AKAP17A: variants seen among roughly 807,000 people sequenced by gnomAD.
AKAP17A encodes A-kinase anchoring protein 17A.
In AKAP17A, 15 loss-of-function variants were observed where a neutral mutation model predicts 52.2. That is an observed-to-expected ratio of 0.29 (90% CI 0.19 to 0.44). The LOEUF is 0.44. Ranked by LOEUF, AKAP17A falls within the 20% of genes least tolerant of loss-of-function variation. The pLI is 1.00. For missense variants in AKAP17A, 1,060 were observed against 1,007.0 expected (o/e 1.05, Z -0.71); for synonymous variants, 514 against 424.7 (o/e 1.21, Z -2.58).
In AKAP17A at chrX:1,593,441, C is replaced by A. The variant is rs767867238; in HGVS notation, c.-19-3C>A. 19 of 1,600,620 alleles carry A rather than the reference C, an allele frequency of 1.2e-5. No individual in the cohort carries two copies. The highest frequency in any genetic ancestry group is 2.7e-5 in the African/African-American group (2 of 74,692). On this transcript the variant is annotated splice_polypyrimidine_tract_variant and splice_region_variant and intron_variant, in intron 1 of 4. Coordinates refer to ENST00000313871, the MANE Select transcript of AKAP17A (RefSeq NM_005088.3). ...TGCTGACTGTCTGCGTCTTATGTTT[C>A]AGGCCCAAGGTCCCGGAGGCTATGG... is the stretch of plus-strand genomic sequence containing the variant.
At chrX:1,600,320 C>G in intron 4 of AKAP17A, 1 of 795,722 alleles carries the variant, frequency 1.3e-6, no homozygotes, top group South Asian at 1.6e-5. Flanking sequence ...CGCTTGTGAC[C>G]TAACCGCAGG....
At position 1,595,544 on chromosome X, in the gene AKAP17A, G is replaced by A. The variant is rs374342146; in HGVS notation, c.911+12G>A. On this transcript the variant is annotated intron_variant, in intron 3 of 4. Coordinates refer to ENST00000313871, the MANE Select transcript of AKAP17A (RefSeq NM_005088.3). Reference sequence around the variant, plus strand: ...CGAGCGGAGGAAAGGTACCTTCTGCGGGAGCGGGCCCTCGGCGCTGGTGTC... The same window carrying A: ...CGAGCGGAGGAAAGGTACCTTCTGCAGGAGCGGGCCCTCGGCGCTGGTGTC... The A allele has an allele frequency of 1.6e-5, 26 of 1,613,406 alleles. No homozygotes were observed. Among genetic ancestry groups the A allele is most frequent in the African/African-American group, 2.7e-5 (2 of 74,928 alleles).
chrX:1,601,142 G>C lies in AKAP17A; in HGVS notation c.1636G>C (p.Val546Leu), dbSNP rs752093256. ...GSPEKRCPGG[V>L]LSCIPDNNQQ... ...TCCAGAGAAGAGGTGCCCGGGCGGCGTCCTCTCCTGCATTCCTGACAACAA... is the reference window on the plus strand; with the variant it reads ...TCCAGAGAAGAGGTGCCCGGGCGGCCTCCTCTCCTGCATTCCTGACAACAA... The change falls in exon 5 of 5, where the codon GTC (valine) becomes CTC (leucine). Residue 546 changes from valine (V) to leucine (L), a missense_variant. This residue lies in a region of AKAP17A where 793 missense variants were observed against 629.9 expected (regional missense o/e 1.26). Coordinates refer to ENST00000313871, the MANE Select transcript of AKAP17A (RefSeq NM_005088.3). 6.2e-7 allele frequency: 1 copy of C among 1,613,922 alleles called. No homozygotes were observed. Among genetic ancestry groups the C allele is most frequent in the South Asian group, 1.1e-5 (1 of 91,080 alleles).
chrX:1,592,687 G>C (rs540408839), intron 1 of AKAP17A, among the ~76,000 whole-genome samples: 33 of 152,314 alleles, frequency 2.2e-4, no homozygotes, highest in African/African-American at 7.0e-4. Flanking sequence ...GGTCACCTGA[G>C]ATGGTTGGGT....
rs145303834 is a variant in AKAP17A at position 1,593,876 on chromosome X, C to T, written c.414C>T (p.Asn138=). ...TCTTCCGCGACGCCAAGGACATGAA[C>T]GAGACCCTGCCGGGGGAGCGGCCGG... ...DSFFRDAKDM[N]ETLPGERPDT... is the part of the protein sequence containing the mutation. Residue 138 remains asparagine (N), a synonymous_variant, in exon 2 of 5, where the codon AAC becomes AAT. Transcript: ENST00000313871. 16 of 1,612,366 alleles carry T rather than the reference C, an allele frequency of 9.9e-6. No individual in the cohort carries two copies. Among genetic ancestry groups the T allele is most frequent in the African/African-American group, 4.0e-5 (3 of 74,916 alleles).
chrX:1,594,191 C>T lies in AKAP17A; in HGVS notation c.729C>T (p.Gly243=), dbSNP rs781772512. Residue 243 remains glycine (G), a synonymous_variant, in exon 2 of 5, where the codon GGC becomes GGT. Coordinates refer to ENST00000313871, the MANE Select transcript of AKAP17A (RefSeq NM_005088.3). ...ALRGMKLMYK[G]EDGKAVACNI... is the part of the protein sequence containing the mutation. ...GCGGGATGAAACTCATGTACAAGGG[C>T]GAGGACGGCAAGGCCGTGGCCTGCA... 1.9e-5 allele frequency: 30 copies of T among 1,567,718 alleles called. No homozygotes were observed. Among genetic ancestry groups the T allele is most frequent in the Admixed American group, 5.5e-5 (3 of 54,564 alleles).
At chrX:1,599,012 G>A (rs1401565595) in intron 3 of AKAP17A, among the ~76,000 whole-genome samples, 180 bp from the exon 4 acceptor site, 1 of 152,184 alleles carries the variant, frequency 6.6e-6, no homozygotes, top group Non-Finnish European at 1.5e-5. Context: ...TCCTCGCCCG[G>A]CTCACTCCTT....
chrX:1,599,041 T>C (rs28548708), intron 3 of AKAP17A, 151 bp from the exon 4 acceptor site: 1 of 1,248,944 alleles, frequency 8.0e-7, no homozygotes, highest in Admixed American at 2.7e-5. Context: ...CGGGCTGCTT[T>C]GAGTCAACCG....
chrX:1,598,721 C>A (rs1163015110), intron 3 of AKAP17A, among the ~76,000 whole-genome samples: 1 of 152,108 alleles, frequency 6.6e-6, no homozygotes, highest in African/African-American at 2.4e-5. Context: ...GAGAGAGGTC[C>A]CCCCGTGCCA....
chrX:1,601,418 A>G lies in AKAP17A; in HGVS notation c.1912A>G (p.Ser638Gly). The change falls in exon 5 of 5, where the codon AGC becomes GGC. Residue 638 changes from serine (S) to glycine (G), a missense_variant. Physicochemically the swap from Ser to Gly is moderately conservative, Grantham distance 56. Coordinates refer to ENST00000313871, the MANE Select transcript of AKAP17A (RefSeq NM_005088.3). The part of the protein sequence containing the change: ...AYKDDSPRRR[S>G]TSPDHTRSRR... ...CAAGGATGACAGCCCCCGCCGGCGC[A>G]GCACGAGCCCGGACCACACCCGGTC... The G allele has an allele frequency of 1.3e-6, 2 of 1,567,222 alleles. No homozygotes were observed. The highest frequency in any genetic ancestry group is 2.3e-5 in the East Asian group (1 of 44,312).
chrX:1,598,956 G>T (rs1323846923), intron 3 of AKAP17A, among the ~76,000 whole-genome samples: 1 of 152,156 alleles, frequency 6.6e-6, no homozygotes, highest in Admixed American at 6.6e-5. Flanking sequence ...GTGGTTTCAG[G>T]GTTGGGTCAC....
intron 3 of AKAP17A, among the ~76,000 whole-genome samples, 195 bp from the exon 4 acceptor site, chrX:1,598,997 G>A (rs776196990): frequency 2.2e-4 from 34 of 152,316 alleles, no homozygotes; most frequent in South Asian, 6.2e-4. Flanking sequence ...GGAAGGTCAC[G>A]GAGGTCCTCG....
rs201337134 is a variant in AKAP17A at position 1,594,156 on chromosome X, A to G, written c.694A>G (p.Ser232Gly). 7 of 1,606,118 alleles carry G rather than the reference A, an allele frequency of 4.4e-6. 1 individual carries two copies. The Admixed American group carries it at 8.5e-5, about 19-fold the overall frequency. The change falls in exon 2 of 5, where the codon AGC becomes GGC. Residue 232 changes from serine to glycine, a missense_variant. Around this residue, in one of 2 missense-constraint regions of AKAP17A, gnomAD observed 267 missense variants for 377.1 expected, o/e 0.71. Coordinates refer to ENST00000313871, the MANE Select transcript of AKAP17A (RefSeq NM_005088.3). ...REYMGFIQAM[S>G]ALRGMKLMYK... The stretch of plus-strand genomic sequence containing the variant: ...GTACATGGGCTTCATCCAGGCCATG[A>G]GCGCCCTGCGCGGGATGAAACTCAT...
rs780201495 is a variant in AKAP17A at position 1,598,475 on chromosome X, C to T, written c.912-717C>T. Among the ~76,000 whole-genome samples, 81 of 152,254 alleles carry T rather than the reference C, an allele frequency of 5.3e-4. 1 individual carries two copies. Among genetic ancestry groups the T allele is most frequent in the Non-Finnish European group, 6.5e-4 (44 of 68,026 alleles). On this transcript the variant is annotated intron_variant, in intron 3 of 4. Coordinates refer to ENST00000313871, the MANE Select transcript of AKAP17A (RefSeq NM_005088.3). ...CCCGGGCTTCAGAAGTCTCCGCCTC[C>T]GTGTCGTGTTCCATAGGAACAGCTG...
chrX:1,592,906 T>G (rs1207203392), intron 1 of AKAP17A, among the ~76,000 whole-genome samples: 1 of 152,196 alleles, frequency 6.6e-6, no homozygotes, highest in Non-Finnish European at 1.5e-5. Flanking sequence ...TGGAGATTAC[T>G]AGGGTTCATG....
Position 1,598,084 on chromosome X carries a change from A to C in AKAP17A, c.912-1108A>C, listed in dbSNP as rs1397184636. Reference sequence around the variant, plus strand: ...CTCACGTGTAACTTTGAGCTTGATGAGAGCTGTCCTCTGAAAGCTGCCCAG... The same window carrying C: ...CTCACGTGTAACTTTGAGCTTGATGCGAGCTGTCCTCTGAAAGCTGCCCAG... On this transcript the variant is annotated intron_variant, in intron 3 of 4. Coordinates refer to ENST00000313871, the MANE Select transcript of AKAP17A (RefSeq NM_005088.3). Among the ~76,000 whole-genome samples, 14 of 152,156 alleles carry C rather than the reference A, an allele frequency of 9.2e-5. 1 individual carries two copies. Among genetic ancestry groups the C allele is most frequent in the Non-Finnish European group, 1.9e-4 (13 of 68,020 alleles).
In AKAP17A at chrX:1,594,246, A is replaced by T. The variant is rs201439099; in HGVS notation, c.762+22A>T. 3 of 1,503,770 alleles carry T rather than the reference A, an allele frequency of 2.0e-6. No homozygotes were observed. In the African/African-American group the frequency reaches 4.2e-5, roughly 21 times the overall value. 93.2% of individuals were successfully genotyped at this position (1,503,770 alleles called of 1,614,324 possible). ...CAAGGTGAGTCCTGGGCACCGAGAG[A>T]GCCACGCGCTTCCTCCCTCTGGCGA... On this transcript the variant is annotated intron_variant, in intron 2 of 4. Coordinates refer to ENST00000313871, the MANE Select transcript of AKAP17A (RefSeq NM_005088.3).
In AKAP17A at chrX:1,600,878, G is replaced by A. The variant is rs199721958; in HGVS notation, c.1372G>A (p.Val458Met). The change falls in exon 5 of 5, where the codon GTG (valine) becomes ATG (methionine). Residue 458 changes from valine (V) to methionine (M), a missense_variant. Physicochemically the swap from Val to Met is conservative, Grantham distance 21. Around this residue, in one of 2 missense-constraint regions of AKAP17A, gnomAD observed 793 missense variants for 629.9 expected, o/e 1.26. Coordinates refer to ENST00000313871, the MANE Select transcript of AKAP17A (RefSeq NM_005088.3). ...DDSHTHDELGVAHADLLQPVL... is the reference protein window; with the variant it reads ...DDSHTHDELGMAHADLLQPVL... ...CAGCCACACACACGACGAGCTGGGC[G>A]TGGCACACGCCGACCTGCTGCAGCC... 3.7e-5 allele frequency: 58 copies of A among 1,584,724 alleles called. No homozygotes were observed. In the African/African-American group the frequency reaches 6.2e-4, roughly 17 times the overall value.
Position 1,593,954 on chromosome X carries a change from G to A in AKAP17A, c.492G>A (p.Ser164=), listed in dbSNP as rs1434561067. The change falls in exon 2 of 5, where the codon TCG becomes TCA. Residue 164 remains serine (S), a synonymous_variant. Transcript: ENST00000313871. The part of the protein sequence containing the change: ...LPCKWFALKE[S]GSEKPSEDVL... ...GCAAGTGGTTCGCCCTGAAGGAGTC[G>A]GGCTCCGAGAAGCCCAGCGAGGACG... is the stretch of plus-strand genomic sequence containing the variant. The A allele has an allele frequency of 8.1e-6, 13 of 1,605,340 alleles. No individual in the cohort carries two copies. The highest frequency in any genetic ancestry group is 1.0e-5 in the Non-Finnish European group (12 of 1,174,860).
Sources: allele counts gnomAD v4.1 joint callset (sites outside exome capture counted in the v4.1 genomes callset), GRCh38; gene constraint gnomAD v4.1.1; regional missense constraint gnomAD v4.1.1; transcripts MANE v1.5; gene names NCBI Gene and HGNC (gene_info 2026-07-23, HGNC 2026-07-21).